The following SYN3 variants were observed in gnomAD, a reference collection of about 807,000 sequenced individuals.
SYN3 encodes the protein synapsin-3.
In SYN3, 35 loss-of-function variants were observed where a neutral mutation model predicts 65.8. The observed-to-expected ratio is 0.53, with a 90% confidence interval of 0.41 to 0.70. SYN3 has a LOEUF of 0.70. Among genes scored for constraint, SYN3 ranks in the 30% least tolerant of loss-of-function variants. The pLI is 0.00. For missense variants in SYN3, 680 were observed against 749.0 expected, an observed-to-expected ratio of 0.91 and a Z score of 1.08; for synonymous variants, 270 against 292.9, an observed-to-expected ratio of 0.92 and a Z score of 0.80.
intron 12 of SYN3, chr22:32,519,450 G>A (rs2057838947): frequency 6.6e-6 from 1 of 152,122 alleles, no homozygotes; most frequent in Non-Finnish European, 1.5e-5. Flanking sequence ...TTGACCTAGA[G>A]AGGTCAGTAG....
At chr22:32,773,827 A>G (rs2413152) in intron 6 of SYN3, among the ~76,000 whole-genome samples, 107,387 of 152,012 alleles carry the variant, frequency 0.71, 38,493 homozygotes, top group African/African-American at 0.83. Flanking sequence ...GGGGGAGGAA[A>G]GGTTGCTTCT....
chr22:33,051,339 G>A (rs572497480), intron 1 of SYN3, among the ~76,000 whole-genome samples: 1 of 152,292 alleles, frequency 6.6e-6, no homozygotes, highest in African/African-American at 2.4e-5. Flanking sequence ...AGATAGCCAG[G>A]ATCGCAGTGT....
chr22:32,541,848 C>T (rs1418332266), intron 7 of SYN3, 135 bp from the exon 8 acceptor site: 2 of 1,026,056 alleles, frequency 1.9e-6, no homozygotes, highest in East Asian at 2.6e-5. Flanking sequence ...GAGACAGACA[C>T]GGGAAGCAAA....
At chr22:32,979,790 C>T (rs1434361262) in intron 3 of SYN3, among the ~76,000 whole-genome samples, 1 of 152,090 alleles carries the variant, frequency 6.6e-6, no homozygotes, top group Non-Finnish European at 1.5e-5. Context: ...CTATTATTGC[C>T]CCAGTTGGAC....
intron 4 of SYN3, among the ~76,000 whole-genome samples, chr22:32,898,755 T>C (rs2049670443): frequency 6.6e-6 from 1 of 152,188 alleles, no homozygotes; most frequent in Admixed American, 6.5e-5. Context: ...TTATGACCTG[T>C]GTGACTGTAG....
intron 6 of SYN3, among the ~76,000 whole-genome samples, chr22:32,751,110 C>T (rs1306231958): frequency 1.3e-5 from 2 of 152,052 alleles, no homozygotes; most frequent in Non-Finnish European, 2.9e-5. Context: ...CCCCCAGCCC[C>T]CAGCCGGTGT....
chr22:32,597,204 CTTTTTTTTTTTT>C (rs6147592), intron 6 of SYN3, among the ~76,000 whole-genome samples: 1,420 of 87,420 alleles, frequency 0.016, 29 homozygotes, highest in African/African-American at 0.054. Context: ...ACATTATTCT[CTTTTTTTTTTTT>C]TTTTTTTTTT....
intron 6 of SYN3, among the ~76,000 whole-genome samples, chr22:32,756,602 G>A (rs2045298620): frequency 6.6e-6 from 1 of 152,140 alleles, no homozygotes; most frequent in Non-Finnish European, 1.5e-5. Context: ...TTTGGGTCAT[G>A]GGAGTGGATC....
At chr22:32,803,313 C>T (rs550673632) in intron 6 of SYN3, among the ~76,000 whole-genome samples, 7 of 152,038 alleles carry the variant, frequency 4.6e-5, no homozygotes, top group Non-Finnish European at 8.8e-5. Context: ...GGGACTCTAC[C>T]AGCGTGTTGT....
At chr22:33,033,502 C>T (rs980414398) in intron 1 of SYN3, among the ~76,000 whole-genome samples, 6 of 152,116 alleles carry the variant, frequency 3.9e-5, no homozygotes, top group Non-Finnish European at 7.3e-5. Flanking sequence ...CATTATCCCA[C>T]GGTATTTTCT....
At chr22:32,597,151 T>C (rs5998549) in intron 6 of SYN3, among the ~76,000 whole-genome samples, 16,171 of 150,154 alleles carry the variant, frequency 0.11, 2,895 homozygotes, top group African/African-American at 0.37. Flanking sequence ...TGTGTGGCAC[T>C]CAGTGAATGG....
intron 6 of SYN3, among the ~76,000 whole-genome samples, chr22:32,663,110 C>T (rs2060238174): frequency 6.6e-6 from 1 of 152,120 alleles, no homozygotes; most frequent in South Asian, 2.1e-4. Flanking sequence ...GTGTGTGCAT[C>T]CAGAAGTGAA....
chr22:32,539,951 C>T (rs372163876), intron 8 of SYN3, among the ~76,000 whole-genome samples: 5 of 152,106 alleles, frequency 3.3e-5, no homozygotes, highest in East Asian at 1.9e-4. Context: ...TTTATCACCC[C>T]GAGGCCATCT....
intron 4 of SYN3, among the ~76,000 whole-genome samples, chr22:32,913,440 G>A (rs1051336805): frequency 6.6e-6 from 1 of 151,808 alleles, no homozygotes; most frequent in Admixed American, 6.6e-5. Flanking sequence ...TTACAGGCAT[G>A]AGCCACCCCG....
chr22:32,647,970 C>T lies in SYN3; in HGVS notation c.712-51234G>A, dbSNP rs141775469. Among the ~76,000 whole-genome samples, 1,211 of 152,210 alleles carry T rather than the reference C, an allele frequency of 8.0e-3. 16 individuals are homozygous for T. The highest frequency in any genetic ancestry group is 0.028 in the African/African-American group (1,171 of 41,522). ...TCCAGGCTTATCTTGAACTCCTAGG[C>T]ACAAGTGATCCTCTCACTTCAGTCT... On this transcript the variant is annotated intron_variant, in intron 6 of 13. Transcript: ENST00000358763.
At chr22:32,821,744 G>A (rs187674695) in intron 6 of SYN3, among the ~76,000 whole-genome samples, 2 of 152,292 alleles carry the variant, frequency 1.3e-5, no homozygotes, top group East Asian at 1.9e-4. Flanking sequence ...ACTGTCCCAC[G>A]TAGCTCCTCT....
At chr22:33,035,358 T>C in intron 1 of SYN3, among the ~76,000 whole-genome samples, 2 of 58,420 alleles carry the variant, frequency 3.4e-5, no homozygotes, top group African/African-American at 4.7e-5. Flanking sequence ...ACCAAACTTC[T>C]TATGCAAAAG....
chr22:32,993,530 G>C (rs2052785848), intron 2 of SYN3, among the ~76,000 whole-genome samples: 1 of 152,150 alleles, frequency 6.6e-6, no homozygotes, highest in African/African-American at 2.4e-5. Flanking sequence ...ATTTTTAGTA[G>C]AGATGGGGTT....
rs1292835462 is a variant in SYN3 at position 32,867,636 on chromosome 22, G to A, written c.621+1330C>T. ...TCTTGCTCTGTCACCAGGCTGGAGCGCAGTGGCGCAATCTCAGCTCTCTGC... is the reference window on the plus strand; with the variant it reads ...TCTTGCTCTGTCACCAGGCTGGAGCACAGTGGCGCAATCTCAGCTCTCTGC... On this transcript the variant is annotated intron_variant, in intron 5 of 13. Coordinates refer to ENST00000358763, the MANE Select transcript of SYN3 (RefSeq NM_003490.4). Among the ~76,000 whole-genome samples the A allele has an allele frequency of 4.6e-5, 7 of 152,158 alleles. No individual in the cohort carries two copies. The East Asian group carries it at 7.7e-4, about 17-fold the overall frequency.
Sources: gnomAD v4.1 joint callset for allele counts (sites outside exome capture counted in the v4.1 genomes callset) on GRCh38, gnomAD v4.1.1 for gene constraint, MANE v1.5 for transcripts, NCBI Gene and HGNC (gene_info 2026-07-23, HGNC 2026-07-21) for gene names.